The following NAV2 variants were observed in gnomAD, a reference collection of about 807,000 sequenced individuals.
NAV2 encodes the protein helicase, APC down-regulated 1.
NAV2 carries 54 observed loss-of-function variants against 223.2 expected under a neutral mutation model. That is an observed-to-expected ratio of 0.24 (90% CI 0.19 to 0.30). NAV2 has a LOEUF of 0.30. Among genes scored for constraint, NAV2 ranks in the 10% least tolerant of loss-of-function variants. The pLI, the probability that NAV2 is intolerant of heterozygous loss-of-function variation, is 1.00. For synonymous variants in NAV2, 1,279 were observed against 1,239.3 expected (o/e 1.03, Z -0.67); for missense variants, 2,806 against 3,147.5 (o/e 0.89, Z 2.60).
intron 1 of NAV2, among the ~76,000 whole-genome samples, chr11:19,477,031 G>T (rs531714648): frequency 6.6e-6 from 1 of 152,230 alleles, no homozygotes; most frequent in East Asian, 1.9e-4. Context: ...CCATCATATT[G>T]CATTCCCAAG....
intron 3 of NAV2, among the ~76,000 whole-genome samples, chr11:19,855,579 T>A (rs1353054539): frequency 6.6e-6 from 1 of 152,144 alleles, no homozygotes; most frequent in African/African-American, 2.4e-5. Flanking sequence ...CACAGTGTCG[T>A]CTCGTATACT....
intron 1 of NAV2, among the ~76,000 whole-genome samples, chr11:19,363,960 T>G (rs145849477): frequency 1.3e-5 from 2 of 152,340 alleles, no homozygotes; most frequent in East Asian, 3.9e-4. Context: ...CACTTCCCTG[T>G]GTTCTTCAAC....
At chr11:19,783,789 T>C (rs1326555030) in intron 1 of NAV2, among the ~76,000 whole-genome samples, 1 of 152,184 alleles carries the variant, frequency 6.6e-6, no homozygotes, top group Non-Finnish European at 1.5e-5. Flanking sequence ...TTTAGTAAGA[T>C]ACAGGTATTC....
chr11:19,863,301 C>T (rs1318437753), intron 3 of NAV2, among the ~76,000 whole-genome samples: 3 of 152,228 alleles, frequency 2.0e-5, no homozygotes, highest in Non-Finnish European at 2.9e-5. Context: ...GTCAAGGGAC[C>T]TCTCATTGCC....
At position 20,098,837 on chromosome 11, in the gene NAV2, G is replaced by T. The variant is rs78948685; in HGVS notation, c.6181+1092G>T. On this transcript the variant is annotated intron_variant, in intron 31 of 37. Coordinates refer to ENST00000349880, the MANE Select transcript of NAV2 (RefSeq NM_145117.5). ...TGGGCAATCCAGGGGTACACCTCAA[G>T]CACAGCTGGATCCAGGTGGTCAGAC... is the stretch of plus-strand genomic sequence containing the variant. 2.4e-3 allele frequency among the ~76,000 whole-genome samples: 370 copies of T among 152,350 alleles called. 3 individuals carry two copies. The highest frequency in any genetic ancestry group is 8.6e-3 in the African/African-American group (356 of 41,578).
intron 1 of NAV2, among the ~76,000 whole-genome samples, chr11:19,452,532 A>G (rs1851825147): frequency 6.6e-6 from 1 of 152,168 alleles, no homozygotes; most frequent in South Asian, 2.1e-4. Flanking sequence ...TCCTTGATTT[A>G]CCGTTGGGTT....
chr11:19,496,528 C>G (rs2042798839), intron 1 of NAV2, among the ~76,000 whole-genome samples: 1 of 152,182 alleles, frequency 6.6e-6, no homozygotes, highest in Non-Finnish European at 1.5e-5. Flanking sequence ...AACATGGTAG[C>G]TGACTTCCTC....
intron 26 of NAV2, among the ~76,000 whole-genome samples, chr11:20,087,325 A>G (rs970329838): frequency 6.6e-6 from 1 of 152,158 alleles, no homozygotes; most frequent in African/African-American, 2.4e-5. Context: ...CTTTTCTTAC[A>G]TTCCACAGCA....
At chr11:19,510,137 G>A (rs545200587) in intron 1 of NAV2, among the ~76,000 whole-genome samples, 4 of 152,218 alleles carry the variant, frequency 2.6e-5, no homozygotes, top group Non-Finnish European at 4.4e-5. Flanking sequence ...AGAGGAGAAC[G>A]TGAGAGGAAG....
chr11:19,522,555 C>T (rs2632060), intron 1 of NAV2, among the ~76,000 whole-genome samples: 64,605 of 151,980 alleles, frequency 0.43, 14,239 homozygotes, highest in African/African-American at 0.53. Flanking sequence ...CCTGCTGGAA[C>T]CCATGAGGCC....
intron 1 of NAV2, among the ~76,000 whole-genome samples, chr11:19,702,588 G>C (rs995866988): frequency 6.6e-6 from 1 of 152,006 alleles, no homozygotes; most frequent in African/African-American, 2.4e-5. Context: ...AGACCAGCCC[G>C]GGCAACATGA....
intron 6 of NAV2, among the ~76,000 whole-genome samples, chr11:19,919,282 G>A (rs562970193): frequency 2.0e-5 from 3 of 150,882 alleles, no homozygotes; most frequent in African/African-American, 4.9e-5. Context: ...CCTGGTTTCC[G>A]TGTTCTATCT....
intron 35 of NAV2, among the ~76,000 whole-genome samples, chr11:20,106,405 A>C (rs1293435906): frequency 6.8e-6 from 1 of 146,410 alleles, no homozygotes; most frequent in Non-Finnish European, 1.5e-5. Context: ...CTAAAAATAC[A>C]AAAAATTAGC....
intron 1 of NAV2, among the ~76,000 whole-genome samples, chr11:19,574,298 GATTT>G (rs1343361939): frequency 1.3e-5 from 2 of 152,188 alleles, no homozygotes; most frequent in African/African-American, 4.8e-5. Context: ...TGTTTATTAT[GATTT>G]ATTATTAGCT....
chr11:19,931,486 C>T lies in NAV2; in HGVS notation c.932-1690C>T, dbSNP rs534733509. Among the ~76,000 whole-genome samples the T allele has an allele frequency of 3.3e-5, 5 of 152,116 alleles. No homozygotes were observed. The South Asian group carries it at 1.0e-3, about 32-fold the overall frequency. Reference sequence around the variant, plus strand: ...CTCACGGCACGGTGCTCACGCCCCACACAGGGGCTGCCTTCACTCGGCTTC... The same window carrying T: ...CTCACGGCACGGTGCTCACGCCCCATACAGGGGCTGCCTTCACTCGGCTTC... On this transcript the variant is annotated intron_variant, in intron 6 of 37. Transcript: ENST00000349880.
At chr11:19,897,383 T>TA (rs923141903) in intron 6 of NAV2, among the ~76,000 whole-genome samples, 12 of 150,480 alleles carry the variant, frequency 8.0e-5, no homozygotes, top group East Asian at 1.9e-4. Context: ...AAAGTGTAAT[T>TA]AAAAAAAAAG....
At chr11:20,051,215 C>A in intron 16 of NAV2, 74 bp from the exon 17 acceptor site, 1 of 1,318,200 alleles carries the variant, frequency 7.6e-7, no homozygotes, top group South Asian at 1.2e-5. Context: ...CTTCAGTCCC[C>A]TCCCTAGCTT....
At chr11:19,809,547 C>T (rs1363613842) in intron 1 of NAV2, among the ~76,000 whole-genome samples, 2 of 152,238 alleles carry the variant, frequency 1.3e-5, no homozygotes, top group South Asian at 2.1e-4. Context: ...GTTAGTGAAC[C>T]CATGAACCCA....
intron 1 of NAV2, among the ~76,000 whole-genome samples, chr11:19,498,441 G>T (rs1242854748): frequency 6.6e-6 from 1 of 152,214 alleles, no homozygotes. Context: ...AGAAGATGAT[G>T]AAGGCATCTC....
Sources: allele counts gnomAD v4.1 joint callset (sites outside exome capture counted in the v4.1 genomes callset), GRCh38; gene constraint gnomAD v4.1.1; transcripts MANE v1.5; gene names NCBI Gene and HGNC (gene_info 2026-07-23, HGNC 2026-07-21).